Variants in DYM observed in about 807,000 individuals in gnomAD.
DYM encodes the protein dymeclin.
Under a neutral mutation model 93.1 loss-of-function variants are expected in DYM, and 78 were observed. The ratio of observed to expected loss-of-function variants is 0.84; its 90% CI spans 0.70 to 1.01. DYM has a LOEUF of 1.01. Among genes scored for constraint, DYM ranks in the 50% least tolerant of loss-of-function variants. DYM has a pLI of 0.00. For missense variants in DYM, 789 were observed against 845.0 expected, an observed-to-expected ratio of 0.93 and a Z score of 0.82; for synonymous variants, 321 against 319.7, an observed-to-expected ratio of 1.00 and a Z score of -0.04.
At chr18:49,232,446 G>A (rs901504646) in intron 13 of DYM, among the ~76,000 whole-genome samples, 3 of 150,696 alleles carry the variant, frequency 2.0e-5, no homozygotes, top group African/African-American at 7.3e-5. Context: ...TAGGACTACA[G>A]GCACCCACCA....
intron 17 of DYM, among the ~76,000 whole-genome samples, chr18:49,081,873 C>T (rs2078077198): frequency 1.3e-5 from 2 of 152,208 alleles, no homozygotes; most frequent in African/African-American, 2.4e-5. Context: ...TCACTGCAGT[C>T]AGCCCAAGGC....
At chr18:49,067,638 A>G (rs1423916435) in intron 17 of DYM, among the ~76,000 whole-genome samples, 1 of 152,166 alleles carries the variant, frequency 6.6e-6, no homozygotes, top group Non-Finnish European at 1.5e-5. Flanking sequence ...GGAGGGATCA[A>G]CGTTATCCTG....
intron 3 of DYM, among the ~76,000 whole-genome samples, chr18:49,385,247 T>C (rs1368236334): frequency 1.3e-5 from 2 of 152,194 alleles, no homozygotes; most frequent in Non-Finnish European, 2.9e-5. Context: ...TTTTACCCTT[T>C]ATAAAGCTGG....
intron 8 of DYM, among the ~76,000 whole-genome samples, chr18:49,288,521 G>A (rs1161926869): frequency 2.0e-5 from 3 of 152,178 alleles, no homozygotes; most frequent in Non-Finnish European, 2.9e-5. Flanking sequence ...GCTCATGCCT[G>A]TAATCCCAGC....
At chr18:49,197,324 A>C (rs1304280332) in intron 14 of DYM, among the ~76,000 whole-genome samples, 1 of 152,168 alleles carries the variant, frequency 6.6e-6, no homozygotes, top group Non-Finnish European at 1.5e-5. Flanking sequence ...TAAAAGTTCT[A>C]ATGTTTAAAA....
rs115777823 is a variant in DYM, at chr18:49,169,405, C to T, written c.1626-5618G>A. Reference sequence around the variant, plus strand: ...TGTGGGTGGGGGAAACAGCACTGCACGTGCATCAAGTGTTGAGTACACAGC... The same window carrying T: ...TGTGGGTGGGGGAAACAGCACTGCATGTGCATCAAGTGTTGAGTACACAGC... On this transcript the variant is annotated intron_variant, in intron 14 of 17. Transcript: ENST00000675505. Among the ~76,000 whole-genome samples the T allele has an allele frequency of 2.6e-3, 395 of 152,274 alleles. 2 individuals carry two copies. Among genetic ancestry groups the T allele is most frequent in the African/African-American group, 9.2e-3 (383 of 41,560 alleles).
At chr18:49,383,723 G>C (rs1381510560) in intron 3 of DYM, among the ~76,000 whole-genome samples, 1 of 152,176 alleles carries the variant, frequency 6.6e-6, no homozygotes, top group African/African-American at 2.4e-5. Flanking sequence ...GTTCCTCAAT[G>C]AAATAGACAG....
intron 17 of DYM, among the ~76,000 whole-genome samples, chr18:49,078,125 C>T (rs1423265608): frequency 1.3e-5 from 2 of 152,006 alleles, no homozygotes; most frequent in Non-Finnish European, 2.9e-5. Context: ...ACAGTGGTTG[C>T]CCTAGAGATG....
At chr18:49,111,975 T>C (rs1325756298) in intron 16 of DYM, among the ~76,000 whole-genome samples, 2 of 152,156 alleles carry the variant, frequency 1.3e-5, no homozygotes, top group Non-Finnish European at 2.9e-5. Flanking sequence ...ATGGTACTCT[T>C]ATAGAACCCT....
intron 2 of DYM, among the ~76,000 whole-genome samples, chr18:49,409,763 A>T (rs1480781142): frequency 6.6e-6 from 1 of 152,200 alleles, no homozygotes; most frequent in African/African-American, 2.4e-5. Flanking sequence ...AGTCCTGATA[A>T]TTGTCACATA....
chr18:49,215,566 G>A (rs2092993337), intron 13 of DYM, among the ~76,000 whole-genome samples: 1 of 152,080 alleles, frequency 6.6e-6, no homozygotes, highest in South Asian at 2.1e-4. Flanking sequence ...CTAAAATATG[G>A]CAAAAAGAAG....
chr18:49,165,007 C>T (rs991724414), intron 14 of DYM, among the ~76,000 whole-genome samples: 7 of 152,114 alleles, frequency 4.6e-5, no homozygotes, highest in Non-Finnish European at 8.8e-5. Context: ...AAGCGAGACC[C>T]AACCATGTGC....
At chr18:49,117,513 T>G in intron 16 of DYM, among the ~76,000 whole-genome samples, 1 of 152,206 alleles carries the variant, frequency 6.6e-6, no homozygotes, top group East Asian at 1.9e-4. Context: ...TGTTCGATTC[T>G]TGTTAGTTTT....
chr18:49,070,906 T>C (rs1208462353), intron 17 of DYM, among the ~76,000 whole-genome samples: 4 of 152,224 alleles, frequency 2.6e-5, no homozygotes, highest in Non-Finnish European at 5.9e-5. Flanking sequence ...TCCACATGGT[T>C]CCTTATACCC....
At chr18:49,240,975 T>C (rs1227095011) in intron 13 of DYM, among the ~76,000 whole-genome samples, 5 of 152,222 alleles carry the variant, frequency 3.3e-5, no homozygotes, top group Admixed American at 6.5e-5. Context: ...GTGGAAAATA[T>C]AGTGAGTACT....
chr18:49,419,495 C>T (rs1008100238), intron 2 of DYM, among the ~76,000 whole-genome samples: 6 of 152,104 alleles, frequency 3.9e-5, no homozygotes, highest in Admixed American at 2.6e-4. Flanking sequence ...AAATTATTCC[C>T]GTCACTATTT....
chr18:49,264,495 A>G (rs2094539292), intron 11 of DYM, among the ~76,000 whole-genome samples: 1 of 152,116 alleles, frequency 6.6e-6, no homozygotes, highest in Non-Finnish European at 1.5e-5. Flanking sequence ...TAGTAATAAA[A>G]ACATCACCAA....
At chr18:49,110,466 A>G (rs1599823744) in intron 16 of DYM, among the ~76,000 whole-genome samples, 1 of 152,096 alleles carries the variant, frequency 6.6e-6, no homozygotes, top group East Asian at 1.9e-4. Context: ...CAGTTTTTAA[A>G]GACATTTTTG....
At chr18:49,120,451 T>C (rs1210823783) in intron 15 of DYM, among the ~76,000 whole-genome samples, 2 of 152,102 alleles carry the variant, frequency 1.3e-5, no homozygotes, top group African/African-American at 4.8e-5. Context: ...CTTTAAGGGA[T>C]TGGTTCCAGG....
Sources: allele counts gnomAD v4.1 joint callset (sites outside exome capture counted in the v4.1 genomes callset), GRCh38; gene constraint gnomAD v4.1.1; transcripts MANE v1.5; gene names NCBI Gene and HGNC (gene_info 2026-07-23, HGNC 2026-07-21).